Variants in BCL6 observed in about 807,000 individuals in gnomAD.
BCL6 encodes B-cell lymphoma 6 protein.
BCL6 carries 7 observed loss-of-function variants against 59.5 expected under a neutral mutation model. That is an observed-to-expected ratio of 0.12 (90% CI 0.07 to 0.22). The LOEUF (loss-of-function observed/expected upper bound fraction) is 0.22, where lower values mean the gene tolerates loss of function less well. Ranked by LOEUF, BCL6 falls within the 10% of genes least tolerant of loss-of-function variation. The probability of loss-of-function intolerance (pLI) is 1.00; values close to 1 mark genes in which losing one functional copy is unlikely to be tolerated. For missense variants in BCL6, 685 were observed against 939.4 expected, an observed-to-expected ratio of 0.73 and a Z score of 3.54; for synonymous variants, 339 against 349.7, an observed-to-expected ratio of 0.97 and a Z score of 0.34.
intron 1 of BCL6, among the ~76,000 whole-genome samples, chr3:187,743,701 G>C (rs1711708944): frequency 6.6e-6 from 1 of 152,032 alleles, no homozygotes; most frequent in Non-Finnish European, 1.5e-5. Context: ...ATCCGGCAGC[G>C]GGGTGGCCCC....
At chr3:187,730,080 AC>A in intron 4 of BCL6, 59 bp from the exon 5 acceptor site, 3 of 1,508,668 alleles carry the variant, frequency 2.0e-6, no homozygotes, top group Non-Finnish European at 2.7e-6. Flanking sequence ...TAAATAGATG[AC>A]CTTCCAGTGA....
At position 187,729,695 on chromosome 3, in the gene BCL6, G is replaced by T. The variant is rs372568524; in HGVS notation, c.710C>A (p.Pro237Gln). The T allele has an allele frequency of 9.9e-6, 16 of 1,614,148 alleles. No individual in the cohort carries two copies. Among genetic ancestry groups the T allele is most frequent in the Middle Eastern group, 1.6e-4 (1 of 6,062 alleles). ...CGGCCGGCTGTACTCACCAGGGACT[G>T]GCCTGGCACTATCACATGGGAGTGC... ...ERALPCDSAR[P>Q]VPGEYSRPTL... Residue 237 changes from proline (P) to glutamine (Q), a missense_variant, in exon 5 of 10, where the codon CCA becomes CAA. This residue lies in a region of BCL6 where 268 missense variants were observed against 263.8 expected (regional missense o/e 1.02). Coordinates refer to ENST00000406870, the MANE Select transcript of BCL6 (RefSeq NM_001706.5). The surrounding 1 kb of genome is among the most constrained non-coding windows in gnomAD (Gnocchi z 5.6).
In BCL6 at chr3:187,733,574, A is replaced by G; in HGVS notation, c.120T>C (p.Arg40=). 6.2e-7 allele frequency: 1 copy of G among 1,614,056 alleles called. No homozygotes were observed. The highest frequency in any genetic ancestry group is 8.5e-7 in the Non-Finnish European group (1 of 1,180,024). ...ILTDVVIVVS[R]EQFRAHKTVL... ...CCGTTTTATGGGCTCTAAACTGCTC[A>G]CGGCTCACAACAATGACAACATCAG... Residue 40 remains arginine, a synonymous_variant, in exon 3 of 10, where the codon CGT becomes CGC. Transcript: ENST00000406870.
rs745936946 is a variant in BCL6 at position 187,726,762 on chromosome 3, G to A, written c.1677C>T (p.Gly559=). 23 of 1,614,092 alleles carry A rather than the reference G, an allele frequency of 1.4e-5. No individual in the cohort carries two copies. Among genetic ancestry groups the A allele is most frequent in the East Asian group, 2.2e-5 (1 of 44,874 alleles). The change falls in exon 7 of 10, where the codon GGC becomes GGT. Residue 559 remains glycine (G), a synonymous_variant. Transcript: ENST00000406870. ...GGACGGTCTTGTGGCTGGCGAGGTT[G>A]CCCTTGTAGCGGAAGGAGGCCTGGC... ...DRCQASFRYK[G]NLASHKTVHT...
At chr3:187,728,173 T>C (rs1718815853) in intron 6 of BCL6, among the ~76,000 whole-genome samples, 187 bp downstream of exon 6, 1 of 152,190 alleles carries the variant, frequency 6.6e-6, no homozygotes, top group Non-Finnish European at 1.5e-5. Flanking sequence ...ATCCCTTGCT[T>C]TGGTTAACCC....
rs572531548 is a variant in BCL6, at chr3:187,725,396, C to T, written c.1839+103G>A. On this transcript the variant is annotated intron_variant, in intron 8 of 9. Coordinates refer to ENST00000406870, the MANE Select transcript of BCL6 (RefSeq NM_001706.5). The surrounding 1 kb of genome is among the most constrained non-coding windows in gnomAD (Gnocchi z 4.7). ...CACCTGCCCGCTCCGCTTGCCTGCC[C>T]GCTCCACTTGCCTGCCCACTCCTCC... The T allele has an allele frequency of 7.4e-5, 116 of 1,558,772 alleles. No individual in the cohort carries two copies. Among genetic ancestry groups the T allele is most frequent in the South Asian group, 6.4e-4 (54 of 84,174 alleles).
chr3:187,744,159 A>G (rs1711754155), intron 1 of BCL6, among the ~76,000 whole-genome samples: 1 of 152,314 alleles, frequency 6.6e-6, no homozygotes, highest in African/African-American at 2.4e-5. Flanking sequence ...AAGGGAGGCA[A>G]CAGCCATTGG....
At chr3:187,738,287 C>A (rs538193630) in intron 1 of BCL6, among the ~76,000 whole-genome samples, 3 of 152,116 alleles carry the variant, frequency 2.0e-5, no homozygotes, top group African/African-American at 7.2e-5. Flanking sequence ...AATGTTTGAG[C>A]GAGACTTCAA....
At chr3:187,745,181 C>T (rs548869314) in intron 1 of BCL6, among the ~76,000 whole-genome samples, 1 of 152,186 alleles carries the variant, frequency 6.6e-6, no homozygotes, top group Admixed American at 6.5e-5. Flanking sequence ...TGGGACTAAT[C>T]TTCGGCATTT....
intron 1 of BCL6, among the ~76,000 whole-genome samples, chr3:187,738,942 G>A (rs1376068236): frequency 2.0e-5 from 3 of 152,200 alleles, no homozygotes; most frequent in Admixed American, 6.5e-5. Flanking sequence ...GAAATTAGGA[G>A]TCCCGTGGTT....
chr3:187,733,303 T>C (rs1719134149), intron 3 of BCL6, among the ~76,000 whole-genome samples: 2 of 152,062 alleles, frequency 1.3e-5, no homozygotes, highest in Non-Finnish European at 2.9e-5. Context: ...ATATAATTTT[T>C]CTCCCTCTAT....
rs772259307 is a variant in BCL6, at chr3:187,729,629, T to G, written c.776A>C (p.Tyr259Ser). ...TTCTGGGATTGTTTCCTTGGGTGAA[T>G]AGATATTGCTGTGGCACACATTGGG... ...VSPNVCHSNI[Y>S]SPKETIPEEA... Residue 259 changes from tyrosine to serine, a missense_variant, in exon 5 of 10, where the codon TAT becomes TCT. Physicochemically the swap from Tyr to Ser is moderately radical, Grantham distance 144. This residue lies in a region of BCL6 where 268 missense variants were observed against 263.8 expected (regional missense o/e 1.02). Coordinates refer to ENST00000406870, the MANE Select transcript of BCL6 (RefSeq NM_001706.5). The surrounding 1 kb of genome is among the most constrained non-coding windows in gnomAD (Gnocchi z 5.6). 6.2e-7 allele frequency: 1 copy of G among 1,614,064 alleles called. No homozygotes were observed. The highest frequency in any genetic ancestry group is 2.2e-5 in the East Asian group (1 of 44,868).
chr3:187,728,271 C>G, intron 6 of BCL6, 89 bp downstream of exon 6: 1 of 1,319,794 alleles, frequency 7.6e-7, no homozygotes, highest in Non-Finnish European at 1.0e-6. Flanking sequence ...CAATCAGAGA[C>G]AACAGCATAA....
At chr3:187,743,347 G>A (rs1480935454) in intron 1 of BCL6, among the ~76,000 whole-genome samples, 11 of 151,742 alleles carry the variant, frequency 7.2e-5, no homozygotes, top group Non-Finnish European at 1.0e-4. Context: ...GGGGCCGGCG[G>A]GGAGGGGGCG....
At position 187,726,856 on chromosome 3, in the gene BCL6, G is replaced by A. The variant is rs1718729449; in HGVS notation, c.1583C>T (p.Ser528Phe). 6.2e-7 allele frequency: 1 copy of A among 1,614,236 alleles called. No homozygotes were observed. Among genetic ancestry groups the A allele is most frequent in the Non-Finnish European group, 8.5e-7 (1 of 1,180,044 alleles). Reference protein sequence around the residue: ...FFCNECDCRFSEEASLKRHTL... With the variant: ...FFCNECDCRFFEEASLKRHTL... ...GTGCCTCTTGAGTGAGGCCTCCTCA[G>A]AGAAGCGGCAGTCACACTCATTGCA... Residue 528 changes from serine to phenylalanine, a missense_variant, in exon 7 of 10, where the codon TCT (serine) becomes TTT (phenylalanine). By Grantham distance (155) the Ser-to-Phe change is radical. Coordinates refer to ENST00000406870, the MANE Select transcript of BCL6 (RefSeq NM_001706.5).
Position 187,725,249 on chromosome 3 carries a change from C to T in BCL6, c.1840-171G>A, listed in dbSNP as rs984220954. Among the ~76,000 whole-genome samples the T allele has an allele frequency of 6.6e-6, 1 of 151,834 alleles. No individual in the cohort carries two copies. The highest frequency in any genetic ancestry group is 2.4e-5 in the African/African-American group (1 of 41,316). ...GCCCACTCTGCTCACCTGCCCACTC[C>T]TCTGCTCACCTGCCCACTCTGCTCA... On this transcript the variant is annotated intron_variant, in intron 8 of 9. Coordinates refer to ENST00000406870, the MANE Select transcript of BCL6 (RefSeq NM_001706.5). This position sits in a 1 kb window ranked among gnomAD's most constrained non-coding sequence, Gnocchi z 4.7.
intron 1 of BCL6, among the ~76,000 whole-genome samples, chr3:187,740,784 A>G (rs1243394980): frequency 6.6e-6 from 1 of 152,236 alleles, no homozygotes; most frequent in Non-Finnish European, 1.5e-5. Flanking sequence ...AGGGACAGGA[A>G]GATGGTGTGT....
chr3:187,742,941 T>C (rs1579829738), intron 1 of BCL6, among the ~76,000 whole-genome samples: 1 of 152,134 alleles, frequency 6.6e-6, no homozygotes, highest in Non-Finnish European at 1.5e-5. Flanking sequence ...TTTACGAGGT[T>C]CTGTTCTAGT....
intron 5 of BCL6, 107 bp from the exon 6 acceptor site, chr3:187,728,651 T>A: frequency 8.7e-7 from 1 of 1,144,524 alleles, no homozygotes; most frequent in Non-Finnish European, 1.2e-6. Flanking sequence ...GGCTGCCCAC[T>A]CAAGCTCTGA....
Sources: gnomAD v4.1 joint callset for allele counts (sites outside exome capture counted in the v4.1 genomes callset) on GRCh38, gnomAD v4.1.1 for gene constraint, gnomAD v4.1.1 regional missense constraint, Gnocchi (gnomAD v3.1) non-coding constraint, MANE v1.5 for transcripts, NCBI Gene and HGNC (gene_info 2026-07-23, HGNC 2026-07-21) for gene names.